The following ERBB2 variants were observed in gnomAD, a reference collection of about 807,000 sequenced individuals.
ERBB2 encodes receptor tyrosine-protein kinase erbB-2.
A neutral mutation model predicts 149.0 loss-of-function variants in ERBB2; 61 were observed. The observed-to-expected ratio is 0.41, with a 90% CI of 0.33 to 0.51. The LOEUF (loss-of-function observed/expected upper bound fraction) is 0.51. Among genes scored for constraint, ERBB2 ranks in the 20% least tolerant of loss-of-function variants. The pLI, the probability that ERBB2 is intolerant of heterozygous loss-of-function variation, is 0.25. For synonymous variants in ERBB2, 633 were observed against 678.8 expected, an observed-to-expected ratio of 0.93 and a Z score of 1.05; for missense variants, 1,205 against 1,655.1, an observed-to-expected ratio of 0.73 and a Z score of 4.72.
Position 39,726,831 on chromosome 17 carries a change from C to T in ERBB2, c.2987C>T (p.Pro996Leu), listed in dbSNP as rs1186338981. Residue 996 changes from proline to leucine, a missense_variant, in exon 25 of 27, where the codon CCA becomes CTA. Physicochemically the swap from Pro to Leu is moderately conservative, Grantham distance 98. Transcript: ENST00000269571. This position sits in a 1 kb window ranked among gnomAD's most constrained non-coding sequence, Gnocchi z 5.1. ...CCTCCACAGAATGAGGACTTGGGCC[C>T]AGCCAGTCCCTTGGACAGCACCTTC... Reference protein sequence around the residue: ...FVVIQNEDLGPASPLDSTFYR... With the variant: ...FVVIQNEDLGLASPLDSTFYR... The T allele has an allele frequency of 1.2e-6, 2 of 1,612,268 alleles. No homozygotes were observed. Among genetic ancestry groups the T allele is most frequent in the Non-Finnish European group, 8.5e-7 (1 of 1,178,992 alleles).
Position 39,724,809 on chromosome 17 carries a change from G to A in ERBB2, c.2391G>A (p.Val797=), listed in dbSNP as rs368499773. 3.1e-6 allele frequency: 5 copies of A among 1,614,140 alleles called. No homozygotes were observed. The highest frequency in any genetic ancestry group is 2.7e-5 in the African/African-American group (2 of 74,954). ...GCCTGACATCCACGGTGCAGCTGGT[G>A]ACACAGCTTATGCCCTATGGCTGCC... ...GICLTSTVQL[V]TQLMPYGCLL... The change falls in exon 20 of 27, where the codon GTG becomes GTA. Residue 797 remains valine (V), a synonymous_variant. Transcript: ENST00000269571.
rs756686824 is a variant in ERBB2, at chr17:39,716,604, C to T, written c.1736C>T (p.Pro579Leu). ...PQNGSVTCFG[P>L]EADQCVACAH... ...AATGGCTCAGTGACCTGTTTTGGAC[C>T]GGTGAGCTGCTGGCGGGCTCAGAGC... Residue 579 changes from proline to leucine, a missense_variant and splice_region_variant, in exon 14 of 27, where the codon CCG (proline) becomes CTG (leucine). Pro to Leu is a moderately conservative substitution (Grantham distance 98). Around this residue, in one of 6 missense-constraint regions of ERBB2, gnomAD observed 569 missense variants for 803.5 expected, o/e 0.71. Coordinates refer to ENST00000269571, the MANE Select transcript of ERBB2 (RefSeq NM_004448.4). The T allele has an allele frequency of 2.4e-5, 38 of 1,613,694 alleles. No homozygotes were observed. The highest frequency in any genetic ancestry group is 8.0e-5 in the African/African-American group (6 of 74,878).
intron 13 of ERBB2, 39 bp downstream of exon 13, chr17:39,716,472 TG>T (rs2059134880): frequency 1.2e-6 from 2 of 1,613,330 alleles, no homozygotes; most frequent in African/African-American, 2.7e-5. Context: ...GAGGGGTGCA[TG>T]GGGCTCCTCT....
In ERBB2 at chr17:39,709,923, G is replaced by GGGGC. The variant is rs780210790; in HGVS notation, c.643+43_643+46dup. The GGGGC allele has an allele frequency of 8.2e-6, 13 of 1,591,340 alleles. No homozygotes were observed. In the South Asian group the frequency reaches 1.4e-4, roughly 18 times the overall value. ...CCTGGAGTCAGGGAAGGGGAGGGCT[G>GGGGC]GGGCCGGGTGGAATGCAGGTGTCAT... On this transcript the variant is annotated intron_variant, in intron 5 of 26. Coordinates refer to ENST00000269571, the MANE Select transcript of ERBB2 (RefSeq NM_004448.4).
At chr17:39,717,792 C>CACACACAT (rs2059224066) in intron 15 of ERBB2, 1 of 140,828 alleles carries the variant, frequency 7.1e-6, no homozygotes, top group African/African-American at 2.5e-5. Context: ...CACATTTTAA[C>CACACACAT]ACACACACAC....
In ERBB2 at chr17:39,725,986, C is replaced by T. The variant is rs904160066; in HGVS notation, c.2872+133C>T. 2.3e-6 allele frequency: 2 copies of T among 867,426 alleles called. No individual in the cohort carries two copies. Among genetic ancestry groups the T allele is most frequent in the Non-Finnish European group, 1.8e-6 (1 of 558,782 alleles). 53.7% of individuals were successfully genotyped at this position (867,426 alleles called of 1,614,324 possible). ...CCTAGTATGTTAGGAGCCTCAAAAC[C>T]TTCTTGTATCCCTTTTACAGTCAAA... On this transcript the variant is annotated intron_variant, in intron 23 of 26. Transcript: ENST00000269571. This position sits in a 1 kb window ranked among gnomAD's most constrained non-coding sequence, Gnocchi z 4.6.
upstream of ERBB2, chr17:39,699,996 G>T (rs865891398): frequency 6.1e-5 from 77 of 1,267,280 alleles, no homozygotes; most frequent in South Asian, 8.3e-4. Flanking sequence ...CCAATCACAG[G>T]AGAAGGAGGA....
chr17:39,706,697 AC>A, intron 1 of ERBB2: 1 of 301,216 alleles, frequency 3.3e-6, no homozygotes, highest in Non-Finnish European at 6.1e-6. Context: ...GCCAGCCAAC[AC>A]CCTGTACTGG....
chr17:39,691,865 TGATAGATATA>T (rs1567886084), upstream of ERBB2, among the ~76,000 whole-genome samples: 1 of 122,748 alleles, frequency 8.1e-6, no homozygotes, highest in Non-Finnish European at 1.7e-5. Flanking sequence ...AAAACCTTCA[TGATAGATATA>T]GATATAGATA....
At chr17:39,702,465 A>G (rs1179126818) in intron 1 of ERBB2, among the ~76,000 whole-genome samples, 1 of 152,176 alleles carries the variant, frequency 6.6e-6, no homozygotes, top group Non-Finnish European at 1.5e-5. Flanking sequence ...ATTGCAGCAA[A>G]TACATCCTTT....
chr17:39,727,661 A>C lies in ERBB2; in HGVS notation c.3413-28A>C, dbSNP rs1448785943. On this transcript the variant is annotated intron_variant, in intron 26 of 26. Coordinates refer to ENST00000269571, the MANE Select transcript of ERBB2 (RefSeq NM_004448.4). The surrounding 1 kb of genome is among the most constrained non-coding windows in gnomAD (Gnocchi z 4.3). ...CAGAGACACCGGGGTTCCTTCCCCT[A>C]ATGGGTCACCTTCTCTTGACCTTTC... 6.5e-7 allele frequency: 1 copy of C among 1,544,640 alleles called. No homozygotes were observed. The highest frequency in any genetic ancestry group is 1.2e-5 in the South Asian group (1 of 80,790).
intron 9 of ERBB2, among the ~76,000 whole-genome samples, chr17:39,714,209 T>G (rs1294159738): frequency 6.6e-6 from 1 of 152,160 alleles, no homozygotes; most frequent in Non-Finnish European, 1.5e-5. Flanking sequence ...TTCGTCGTTT[T>G]GGTGGGGAGG....
upstream of ERBB2, among the ~76,000 whole-genome samples, chr17:39,690,085 TA>T (rs956845158): frequency 1.3e-5 from 2 of 152,016 alleles, no homozygotes; most frequent in Admixed American, 1.3e-4. Context: ...TACATTTAGT[TA>T]AAAAAAATTT....
rs2145517805 is a variant in ERBB2, at chr17:39,710,354, C to T, written c.774C>T (p.Phe258=). 1 of 1,614,216 alleles carries T rather than the reference C, an allele frequency of 6.2e-7. No homozygotes were observed. The highest frequency in any genetic ancestry group is 8.5e-7 in the Non-Finnish European group (1 of 1,180,038). ...TGTCCCCCCAGGCCTGCCTCCACTTCAACCACAGTGGCATCTGTGAGCTGC... is the reference window on the plus strand; with the variant it reads ...TGTCCCCCCAGGCCTGCCTCCACTTTAACCACAGTGGCATCTGTGAGCTGC... ...KHSDCLACLH[F]NHSGICELHC... Residue 258 remains phenylalanine, a synonymous_variant, in exon 7 of 27, where the codon TTC becomes TTT. Transcript: ENST00000269571.
In ERBB2 at chr17:39,707,151, G is replaced by C. The variant is rs371270269; in HGVS notation, c.225+10G>C. 1.3e-6 allele frequency: 2 copies of C among 1,550,228 alleles called. No homozygotes were observed. The highest frequency in any genetic ancestry group is 1.4e-5 in the African/African-American group (1 of 72,430). On this transcript the variant is annotated intron_variant, in intron 2 of 26. Transcript: ENST00000269571. ...CCTGTCCTTCCTGCAGGTGAGGCCC[G>C]TGGGCAACCCAGCCAGGCCCTGCCT...
At position 39,715,733 on chromosome 17, in the gene ERBB2, C is replaced by T. The variant is rs1417472845; in HGVS notation, c.1314-7C>T. 1.2e-6 allele frequency: 2 copies of T among 1,605,688 alleles called. No individual in the cohort carries two copies. The highest frequency in any genetic ancestry group is 1.1e-5 in the South Asian group (1 of 91,076). On this transcript the variant is annotated splice_polypyrimidine_tract_variant and splice_region_variant and intron_variant, in intron 11 of 26. Transcript: ENST00000269571. ...TCCGTGGTAAGGTGCCCACCTTTCT[C>T]CCATAGTGGCGCCTACTCGCTGACC... is the stretch of plus-strand genomic sequence containing the variant.
chr17:39,716,230 C>T (rs2059116725), intron 12 of ERBB2, 71 bp from the exon 13 acceptor site: 1 of 1,485,822 alleles, frequency 6.7e-7, no homozygotes. Context: ...TGCCCACAGC[C>T]AGTTCCCTGG....
At chr17:39,694,356 T>C (rs1189242363), upstream of ERBB2, among the ~76,000 whole-genome samples, 2 of 125,866 alleles carry the variant, frequency 1.6e-5, no homozygotes, top group African/African-American at 5.7e-5. Flanking sequence ...ATAAAATAAA[T>C]AATAATAAAA....
At chr17:39,697,350 TTTTG>T (rs1597846684), upstream of ERBB2, among the ~76,000 whole-genome samples, 1 of 144,138 alleles carries the variant, frequency 6.9e-6, no homozygotes, top group African/African-American at 2.7e-5. Context: ...TGTTTTTTTG[TTTTG>T]TTTTTTTTTT....
Sources: gnomAD v4.1 joint callset for allele counts (sites outside exome capture counted in the v4.1 genomes callset) on GRCh38, gnomAD v4.1.1 for gene constraint, gnomAD v4.1.1 regional missense constraint, Gnocchi (gnomAD v3.1) non-coding constraint, MANE v1.5 for transcripts, NCBI Gene and HGNC (gene_info 2026-07-23, HGNC 2026-07-21) for gene names.